Variants in PLPPR5 observed in about 807,000 individuals in gnomAD.
PLPPR5 encodes the protein phospholipid phosphatase-related protein type 5.
In PLPPR5, 16 loss-of-function variants were observed where a neutral mutation model predicts 33.9. That is an observed-to-expected ratio of 0.47 (90% CI 0.32 to 0.72). The LOEUF (loss-of-function observed/expected upper bound fraction) is 0.72. PLPPR5 is among the 30% of genes least tolerant of loss of function. PLPPR5 has a pLI of 0.03. For synonymous variants in PLPPR5, 163 were observed against 150.3 expected (o/e 1.08, Z -0.62); for missense variants, 301 against 406.7 (o/e 0.74, Z 2.23).
chr1:98,976,621 A>T (rs866175735), intron 1 of PLPPR5, among the ~76,000 whole-genome samples: 1 of 152,046 alleles, frequency 6.6e-6, no homozygotes, highest in South Asian at 2.1e-4. Flanking sequence ...AGCACCAGAA[A>T]GGTGGCTAAT....
intron 2 of PLPPR5, among the ~76,000 whole-genome samples, chr1:98,955,291 A>G (rs1650962928): frequency 1.3e-5 from 2 of 152,142 alleles, no homozygotes; most frequent in South Asian, 4.1e-4. Flanking sequence ...TGAGCCAAAT[A>G]TTCTTTAGAA....
At chr1:98,957,470 AT>A (rs1476004306) in intron 1 of PLPPR5, among the ~76,000 whole-genome samples, 1 of 152,042 alleles carries the variant, frequency 6.6e-6, no homozygotes, top group African/African-American at 2.4e-5. Flanking sequence ...TTTATGTGTA[AT>A]TAAATTCCAT....
chr1:98,922,145 T>G, intron 3 of PLPPR5, 87 bp from the exon 4 acceptor site: 2 of 1,243,150 alleles, frequency 1.6e-6, no homozygotes, highest in Non-Finnish European at 2.3e-6. Context: ...AAACATATAT[T>G]TATAGACATA....
intron 1 of PLPPR5, among the ~76,000 whole-genome samples, chr1:98,961,539 G>A (rs1651251018): frequency 1.3e-5 from 2 of 152,172 alleles, no homozygotes; most frequent in African/African-American, 4.8e-5. Context: ...CGCTATTAAA[G>A]CCAATGGCAT....
chr1:98,916,740 G>A (rs1014648986), intron 4 of PLPPR5, among the ~76,000 whole-genome samples: 1 of 152,142 alleles, frequency 6.6e-6, no homozygotes, highest in Non-Finnish European at 1.5e-5. Context: ...TAACAACGAT[G>A]ATTATTCTTC....
chr1:98,974,715 C>T (rs1468760151), intron 1 of PLPPR5, among the ~76,000 whole-genome samples: 1 of 152,062 alleles, frequency 6.6e-6, no homozygotes, highest in African/African-American at 2.4e-5. Flanking sequence ...ATCAAGTCTC[C>T]TCTGCTAATT....
intron 3 of PLPPR5, among the ~76,000 whole-genome samples, chr1:98,939,604 A>T (rs1199530558): frequency 6.6e-6 from 1 of 152,000 alleles, no homozygotes; most frequent in Non-Finnish European, 1.5e-5. Context: ...CTGGCACGTG[A>T]TCCACACTCA....
chr1:98,985,623 G>T (rs2100756030), intron 1 of PLPPR5, among the ~76,000 whole-genome samples: 1 of 151,978 alleles, frequency 6.6e-6, no homozygotes, highest in East Asian at 1.9e-4. Flanking sequence ...CATGATAATT[G>T]CCCTATACAG....
At chr1:98,920,656 T>C (rs571619473) in intron 4 of PLPPR5, among the ~76,000 whole-genome samples, 1 of 144,746 alleles carries the variant, frequency 6.9e-6, no homozygotes, top group South Asian at 2.2e-4. Flanking sequence ...CAGGAGATTC[T>C]AGAGGAAATA....
chr1:98,896,463 C>A (rs1457191838), intron 5 of PLPPR5, among the ~76,000 whole-genome samples: 2 of 152,118 alleles, frequency 1.3e-5, no homozygotes, highest in Non-Finnish European at 2.9e-5. Context: ...TATTCAGAAT[C>A]ATGAGAAGAA....
chr1:98,996,674 C>G (rs1017725432), intron 1 of PLPPR5, among the ~76,000 whole-genome samples: 1 of 152,086 alleles, frequency 6.6e-6, no homozygotes, highest in Non-Finnish European at 1.5e-5. Context: ...ACCTTCTCAA[C>G]CTGTATAAAT....
chr1:98,969,537 C>A (rs1196978711), intron 1 of PLPPR5, among the ~76,000 whole-genome samples: 1 of 151,952 alleles, frequency 6.6e-6, no homozygotes, highest in Non-Finnish European at 1.5e-5. Context: ...TTTACCTGAC[C>A]TTTTGGATCT....
intron 1 of PLPPR5, among the ~76,000 whole-genome samples, chr1:98,960,807 A>G (rs1258659564): frequency 2.6e-5 from 4 of 152,166 alleles, no homozygotes; most frequent in African/African-American, 9.7e-5. Flanking sequence ...CACTGCAGAG[A>G]TGTTTACACA....
rs1553170573 is a variant in PLPPR5 at position 98,969,740 on chromosome 1, C to CCTTCCTTCCTTT, written c.238-13000_238-12999insAAAGGAAGGAAG. ...TACCTCTTTTTCTCCTTCCTTCCTT[C>CCTTCCTTCCTTT]CTTTCTTTCTTTTTGCTAGTTCAGA... On this transcript the variant is annotated intron_variant, in intron 1 of 5. Transcript: ENST00000263177. 5.9e-5 allele frequency among the ~76,000 whole-genome samples: 9 copies of CCTTCCTTCCTTT among 151,914 alleles called. 1 individual carries two copies. Among genetic ancestry groups the CCTTCCTTCCTTT allele is most frequent in the African/African-American group, 1.7e-4 (7 of 41,460 alleles).
chr1:98,948,898 C>G (rs1650658155), intron 3 of PLPPR5, among the ~76,000 whole-genome samples: 3 of 152,126 alleles, frequency 2.0e-5, no homozygotes, highest in African/African-American at 7.2e-5. Flanking sequence ...GTTTATAATG[C>G]AGCAACACGT....
chr1:98,907,049 T>A (rs1183751398), intron 5 of PLPPR5, among the ~76,000 whole-genome samples: 2 of 152,216 alleles, frequency 1.3e-5, no homozygotes, highest in Non-Finnish European at 2.9e-5. Context: ...AGTACAGTTT[T>A]AATCCCACCA....
chr1:98,991,826 T>C (rs1652460994), intron 1 of PLPPR5, among the ~76,000 whole-genome samples: 1 of 152,126 alleles, frequency 6.6e-6, no homozygotes, highest in South Asian at 2.1e-4. Flanking sequence ...GTTCAAACCT[T>C]TGCTAACCAG....
At chr1:98,994,597 A>G (rs1652568384) in intron 1 of PLPPR5, among the ~76,000 whole-genome samples, 1 of 152,090 alleles carries the variant, frequency 6.6e-6, no homozygotes, top group African/African-American at 2.4e-5. Context: ...ACTTCATCAT[A>G]ATCTGTCTGA....
rs141909581 is a variant in PLPPR5, at chr1:98,955,867, A to G, written c.370+742T>C. 3.3e-5 allele frequency among the ~76,000 whole-genome samples: 5 copies of G among 152,258 alleles called. No individual in the cohort carries two copies. In the East Asian group the frequency reaches 9.6e-4, roughly 29 times the overall value. On this transcript the variant is annotated intron_variant, in intron 2 of 5. Coordinates refer to ENST00000263177, the MANE Select transcript of PLPPR5 (RefSeq NM_001037317.2). ...TATTTTTATCTGATAAATCCAGGAA[A>G]CAATTATTTATATTAAATTGTATTG...
Sources: allele counts gnomAD v4.1 joint callset (sites outside exome capture counted in the v4.1 genomes callset), GRCh38; gene constraint gnomAD v4.1.1; transcripts MANE v1.5; gene names NCBI Gene and HGNC (gene_info 2026-07-23, HGNC 2026-07-21).